Variants in CACNB2 observed in about 807,000 individuals in gnomAD.
The protein encoded by CACNB2 is calcium voltage-gated channel auxiliary subunit beta 2, also known as voltage-dependent L-type calcium channel subunit beta-2.
In CACNB2, 42 loss-of-function variants were observed where a neutral mutation model predicts 73.3. That is an observed-to-expected ratio of 0.57 (90% CI 0.45 to 0.74). The LOEUF is 0.74. CACNB2 is among the 30% of genes least tolerant of loss of function. The pLI is 0.00. For synonymous variants in CACNB2, 348 were observed against 310.3 expected (o/e 1.12, Z -1.28); for missense variants, 940 against 853.0 (o/e 1.10, Z -1.27).
chr10:18,175,409 T>C (rs1054342929), intron 2 of CACNB2, among the ~76,000 whole-genome samples: 2 of 152,160 alleles, frequency 1.3e-5, no homozygotes, highest in African/African-American at 2.4e-5. Context: ...GACAGATGCA[T>C]GTCAAAGGAT....
rs368544304 is a variant in CACNB2, at chr10:18,408,878, G to T, written c.333+6835G>T. On this transcript the variant is annotated intron_variant, in intron 3 of 13. Coordinates refer to ENST00000324631, the MANE Select transcript of CACNB2 (RefSeq NM_201596.3). ...GTTTATTATTATTTTTTTAGACAAG[G>T]TCTCACTCTGTTGCTGAGGCTGGAG... 3.3e-5 allele frequency among the ~76,000 whole-genome samples: 5 copies of T among 152,138 alleles called. 1 individual carries two copies. The East Asian group carries it at 7.7e-4, about 24-fold the overall frequency.
chr10:18,415,195 T>C (rs10828666), intron 3 of CACNB2, among the ~76,000 whole-genome samples: 45,058 of 152,152 alleles, frequency 0.3, 7,055 homozygotes, highest in Middle Eastern at 0.43. Context: ...CTTGGCATGG[T>C]GGCTCATGCC....
At chr10:18,474,317 G>C (rs1020337128) in intron 3 of CACNB2, among the ~76,000 whole-genome samples, 1 of 152,080 alleles carries the variant, frequency 6.6e-6, no homozygotes, top group Non-Finnish European at 1.5e-5. Context: ...CTGGCTCAAC[G>C]GTCACCCTCT....
At chr10:18,370,094 C>T (rs2042515442) in intron 2 of CACNB2, among the ~76,000 whole-genome samples, 1 of 152,184 alleles carries the variant, frequency 6.6e-6, no homozygotes, top group Admixed American at 6.5e-5. Flanking sequence ...TCTGCACTGT[C>T]CAATATGGTT....
chr10:18,416,780 C>G (rs964530690), intron 3 of CACNB2, among the ~76,000 whole-genome samples: 1 of 152,088 alleles, frequency 6.6e-6, no homozygotes, highest in Non-Finnish European at 1.5e-5. Flanking sequence ...TTTAACTTCC[C>G]GTTGTATTGT....
intron 3 of CACNB2, among the ~76,000 whole-genome samples, chr10:18,420,451 G>A (rs1301976397): frequency 6.6e-6 from 1 of 152,090 alleles, no homozygotes; most frequent in Admixed American, 6.6e-5. Flanking sequence ...ACCCAGGAAG[G>A]CTGATGGTAT....
chr10:18,173,876 A>G (rs2033412317), intron 2 of CACNB2, among the ~76,000 whole-genome samples: 3 of 152,242 alleles, frequency 2.0e-5, no homozygotes, highest in Admixed American at 6.5e-5. Flanking sequence ...TTACGTTTCT[A>G]TAAAAGTGCC....
chr10:18,288,272 A>G (rs1317276722), intron 2 of CACNB2, among the ~76,000 whole-genome samples: 1 of 152,224 alleles, frequency 6.6e-6, no homozygotes, highest in Non-Finnish European at 1.5e-5. Context: ...AAAGGAACAC[A>G]AATTCAGGTT....
At chr10:18,163,467 C>T (rs531744386) in intron 2 of CACNB2, among the ~76,000 whole-genome samples, 2 of 152,240 alleles carry the variant, frequency 1.3e-5, no homozygotes, top group East Asian at 3.9e-4. Flanking sequence ...AAGCCACTGA[C>T]CATGACCATG....
chr10:18,539,523 C>T lies in CACNB2; in HGVS notation c.1782C>T (p.Thr594=), dbSNP rs762804748. 1.9e-6 allele frequency: 3 copies of T among 1,613,706 alleles called. No individual in the cohort carries two copies. The highest frequency in any genetic ancestry group is 2.7e-5 in the African/African-American group (2 of 74,826). The part of the protein sequence containing the change: ...SHRDHNHRDE[T]HGSSDHRHRE... ...GTGACCACAACCACAGAGACGAGAC[C>T]CACGGGAGCAGTGACCACAGACACA... The change falls in exon 14 of 14, where the codon ACC becomes ACT. Residue 594 remains threonine (T), a synonymous_variant. Coordinates refer to ENST00000324631, the MANE Select transcript of CACNB2 (RefSeq NM_201596.3).
Position 18,231,492 on chromosome 10 carries a change from T to C in CACNB2, c.213+80517T>C, listed in dbSNP as rs184613180. ...CCATGCCACGCCATGTTCAAATCCT[T>C]ATGTCTTGTGTATCTCTTTATGTAT... On this transcript the variant is annotated intron_variant, in intron 2 of 13. Transcript: ENST00000324631. Among the ~76,000 whole-genome samples, 216 of 152,322 alleles carry C rather than the reference T, an allele frequency of 1.4e-3. 1 individual carries two copies. The highest frequency in any genetic ancestry group is 4.9e-3 in the African/African-American group (205 of 41,580).
At chr10:18,487,922 A>G (rs1335838429) in intron 3 of CACNB2, among the ~76,000 whole-genome samples, 1 of 151,870 alleles carries the variant, frequency 6.6e-6, no homozygotes, top group Non-Finnish European at 1.5e-5. Flanking sequence ...CACAGGAAAC[A>G]CTGAAAGGCT....
At chr10:18,313,110 C>T (rs1187613414) in intron 2 of CACNB2, among the ~76,000 whole-genome samples, 4 of 151,994 alleles carry the variant, frequency 2.6e-5, no homozygotes, top group Admixed American at 6.6e-5. Flanking sequence ...AGATAAAGAA[C>T]TGTCCCTAAA....
intron 3 of CACNB2, among the ~76,000 whole-genome samples, chr10:18,488,121 C>T (rs1002436663): frequency 6.6e-6 from 1 of 151,096 alleles, no homozygotes; most frequent in African/African-American, 2.4e-5. Context: ...TCATGAAATA[C>T]AGCTTTCTAG....
intron 3 of CACNB2, among the ~76,000 whole-genome samples, chr10:18,439,168 G>T (rs906783018): frequency 6.6e-6 from 1 of 152,232 alleles, no homozygotes; most frequent in Non-Finnish European, 1.5e-5. Context: ...AGGATTGGGG[G>T]CTTATATACC....
intron 2 of CACNB2, among the ~76,000 whole-genome samples, chr10:18,394,629 G>A (rs1357641596): frequency 6.6e-6 from 1 of 152,148 alleles, no homozygotes; most frequent in Admixed American, 6.5e-5. Context: ...CTGCTTCGTG[G>A]CCTTGCTCAG....
At position 18,340,597 on chromosome 10, in the gene CACNB2, A is replaced by G. The variant is rs114853562; in HGVS notation, c.214-61327A>G. On this transcript the variant is annotated intron_variant, in intron 2 of 13. Coordinates refer to ENST00000324631, the MANE Select transcript of CACNB2 (RefSeq NM_201596.3). ...TCTGATACTAATGAAGTGTTACTGT[A>G]CTTTGACAAGTTTGCAGGCGTCTGT... 7.8e-4 allele frequency: 740 copies of G among 954,038 alleles called. 4 individuals are homozygous for G. The African/African-American group carries it at 0.012, about 15-fold the overall frequency. 59.1% of individuals were successfully genotyped at this position (954,038 alleles called of 1,614,324 possible).
intron 2 of CACNB2, among the ~76,000 whole-genome samples, chr10:18,315,924 TG>T (rs2040165870): frequency 6.6e-6 from 1 of 152,148 alleles, no homozygotes; most frequent in Non-Finnish European, 1.5e-5. Context: ...ATAGACGTAA[TG>T]AACTTCGGAG....
chr10:18,497,429 C>CT (rs879300096), intron 3 of CACNB2, among the ~76,000 whole-genome samples: 341 of 151,406 alleles, frequency 2.3e-3, no homozygotes, highest in Non-Finnish European at 3.8e-3. Context: ...TTGTTTTTTT[C>CT]TTTTTTTTGA....
Sources: gnomAD v4.1 joint callset for allele counts (sites outside exome capture counted in the v4.1 genomes callset) on GRCh38, gnomAD v4.1.1 for gene constraint, MANE v1.5 for transcripts, NCBI Gene and HGNC (gene_info 2026-07-23, HGNC 2026-07-21) for gene names.